The following ADAM32 variants were observed in gnomAD, a reference collection of about 807,000 sequenced individuals.
ADAM32 encodes disintegrin and metalloproteinase domain-containing protein 32.
In ADAM32, 89 loss-of-function variants were observed where a neutral mutation model predicts 114.9. The observed-to-expected ratio is 0.77, with a 90% confidence interval of 0.65 to 0.92. The LOEUF (loss-of-function observed/expected upper bound fraction) is 0.92. ADAM32 is among the 40% of genes least tolerant of loss of function. The probability of loss-of-function intolerance (pLI) is 0.00; values close to 1 mark genes in which losing one functional copy is unlikely to be tolerated. For synonymous variants in ADAM32, 285 were observed against 307.5 expected (o/e 0.93, Z 0.77); for missense variants, 870 against 932.8 (o/e 0.93, Z 0.88).
rs201506289 is a variant in ADAM32 at position 39,281,013 on chromosome 8, AC to A, written c.2280-121del. 4.5e-3 allele frequency: 1,100 copies of A among 246,322 alleles called. 11 individuals carry two copies. Among genetic ancestry groups the A allele is most frequent in the African/African-American group, 0.024 (1,042 of 43,034 alleles). 15.3% of individuals were successfully genotyped at this position (246,322 alleles called of 1,614,324 possible). ...TAGCCAGGATGGTCTCGATCTCCTG[AC>A]CTTGTGATCCACTCGCCTCAGCCTC... On this transcript the variant is annotated intron_variant, in intron 22 of 24. Coordinates refer to ENST00000379907, the MANE Select transcript of ADAM32 (RefSeq NM_145004.7).
intron 17 of ADAM32, among the ~76,000 whole-genome samples, chr8:39,246,391 TG>T (rs1810921962): frequency 6.6e-6 from 1 of 152,216 alleles, no homozygotes; most frequent in Non-Finnish European, 1.5e-5. Context: ...TTGTTATAAT[TG>T]GGTACTTTTC....
At chr8:39,186,162 C>G (rs1806227366) in intron 10 of ADAM32, among the ~76,000 whole-genome samples, 1 of 152,184 alleles carries the variant, frequency 6.6e-6, no homozygotes, top group Non-Finnish European at 1.5e-5. Flanking sequence ...TATGTGCATC[C>G]TTTAGGGCTG....
intron 7 of ADAM32, among the ~76,000 whole-genome samples, chr8:39,162,724 TC>T (rs1804591924): frequency 6.6e-6 from 1 of 152,048 alleles, no homozygotes; most frequent in African/African-American, 2.4e-5. Flanking sequence ...AAACCCTTGG[TC>T]GGGTGTGGTG....
rs78034920 is a variant in ADAM32 at position 39,257,072 on chromosome 8, T to C, written c.2006-115T>C. 13,047 of 1,065,604 alleles carry C rather than the reference T, an allele frequency of 0.012. 1,136 individuals are homozygous for C. In the African/African-American group the frequency reaches 0.19, roughly 15 times the overall value. 66.0% of individuals were successfully genotyped at this position (1,065,604 alleles called of 1,614,324 possible). ...TACAATTCTATAATGATTTTTTCCATGTTCCTTGAATAACAATACAAATTC... is the reference window on the plus strand; with the variant it reads ...TACAATTCTATAATGATTTTTTCCACGTTCCTTGAATAACAATACAAATTC... On this transcript the variant is annotated intron_variant, in intron 18 of 24. Coordinates refer to ENST00000379907, the MANE Select transcript of ADAM32 (RefSeq NM_145004.7).
intron 3 of ADAM32, among the ~76,000 whole-genome samples, chr8:39,144,964 A>C (rs1446255821): frequency 6.6e-6 from 1 of 152,148 alleles, no homozygotes; most frequent in Non-Finnish European, 1.5e-5. Flanking sequence ...AGACAAGTTC[A>C]GTGAAGTTGT....
chr8:39,186,344 G>A (rs911108479), intron 10 of ADAM32, among the ~76,000 whole-genome samples: 5 of 152,000 alleles, frequency 3.3e-5, no homozygotes, highest in East Asian at 1.9e-4. Context: ...TTTCTTTTTC[G>A]CAAGGAGGTT....
intron 12 of ADAM32, 53 bp downstream of exon 12, chr8:39,211,377 C>T: frequency 7.2e-7 from 1 of 1,379,592 alleles, no homozygotes; most frequent in Non-Finnish European, 9.5e-7. Context: ...TTTAATTTAT[C>T]TTTTTCATAA....
At chr8:39,108,132 A>C in intron 1 of ADAM32, 1 of 304,574 alleles carries the variant, frequency 3.3e-6, no homozygotes, top group Non-Finnish European at 6.0e-6. Flanking sequence ...AAAAATTTAA[A>C]AAAATGTTCC....
intron 2 of ADAM32, among the ~76,000 whole-genome samples, chr8:39,134,130 G>A (rs945574556): frequency 2.0e-5 from 3 of 152,180 alleles, no homozygotes; most frequent in Non-Finnish European, 2.9e-5. Flanking sequence ...CCCTCTGGGT[G>A]GACATGGGGG....
upstream of ADAM32, chr8:39,107,709 C>A: frequency 6.5e-7 from 1 of 1,548,312 alleles, no homozygotes; most frequent in Non-Finnish European, 8.7e-7. Context: ...GGCGTCCGCG[C>A]GTCCCCGCGT....
chr8:39,284,669 T>C, intron 24 of ADAM32, 124 bp from the exon 25 acceptor site: 2 of 1,037,062 alleles, frequency 1.9e-6, no homozygotes, highest in Admixed American at 2.2e-5. Context: ...GTAAACATCC[T>C]TTCAATAATT....
At chr8:39,259,233 C>T (rs1331196286) in intron 19 of ADAM32, among the ~76,000 whole-genome samples, 1 of 150,228 alleles carries the variant, frequency 6.7e-6, no homozygotes, top group African/African-American at 2.5e-5. Context: ...AAGCTTTGCT[C>T]TTGTTGCCCA....
intron 11 of ADAM32, 79 bp downstream of exon 11, chr8:39,187,124 A>G (rs1408675797): frequency 5.1e-6 from 7 of 1,374,968 alleles, no homozygotes; most frequent in Non-Finnish European, 6.8e-6. Flanking sequence ...GTATTTACTT[A>G]AAGCACAAAT....
chr8:39,281,296 C>T (rs765972378), intron 23 of ADAM32, 122 bp downstream of exon 23: 13 of 345,974 alleles, frequency 3.8e-5, no homozygotes, highest in Admixed American at 1.0e-4. Flanking sequence ...AAAGTCTACA[C>T]CAAACCCAAC....
intron 16 of ADAM32, among the ~76,000 whole-genome samples, 170 bp from the exon 17 acceptor site, chr8:39,245,913 T>C (rs1162410025): frequency 3.9e-5 from 6 of 152,142 alleles, no homozygotes; most frequent in Admixed American, 2.6e-4. Context: ...AAATGTCTTT[T>C]CTTGCAAAAA....
Position 39,165,122 on chromosome 8 carries a change from A to C in ADAM32, c.759A>C (p.Glu253Asp). 1.2e-6 allele frequency: 2 copies of C among 1,607,944 alleles called. No homozygotes were observed. Among genetic ancestry groups the C allele is most frequent in the Non-Finnish European group, 1.7e-6 (2 of 1,175,546 alleles). The part of the protein sequence containing the change: ...NKISTVGEAD[E>D]LLQKFLEWKQ... Reference sequence around the variant, plus strand: ...TTTCTACAGTTGGTGAGGCAGATGAATTATTGCAAAAATTTTTAGAATGGA... The same window carrying C: ...TTTCTACAGTTGGTGAGGCAGATGACTTATTGCAAAAATTTTTAGAATGGA... The change falls in exon 9 of 25, where the codon GAA becomes GAC. Residue 253 changes from glutamate (E) to aspartate (D), a missense_variant. Glu to Asp is a conservative substitution (Grantham distance 45). Coordinates refer to ENST00000379907, the MANE Select transcript of ADAM32 (RefSeq NM_145004.7).
intron 11 of ADAM32, among the ~76,000 whole-genome samples, chr8:39,190,410 A>G (rs1359747191): frequency 6.6e-6 from 1 of 152,212 alleles, no homozygotes; most frequent in Non-Finnish European, 1.5e-5. Flanking sequence ...ATAAATACCA[A>G]GTACAAAGAT....
intron 10 of ADAM32, among the ~76,000 whole-genome samples, chr8:39,173,344 A>T (rs939744616): frequency 7.2e-5 from 11 of 152,122 alleles, no homozygotes; most frequent in African/African-American, 2.4e-4. Flanking sequence ...TTGTTTCTTG[A>T]CTTTTTAATA....
chr8:39,187,061 T>G lies in ADAM32; in HGVS notation c.1052+16T>G. The G allele has an allele frequency of 6.3e-7, 1 of 1,585,190 alleles. No homozygotes were observed. Among genetic ancestry groups the G allele is most frequent in the Non-Finnish European group, 8.6e-7 (1 of 1,164,708 alleles). On this transcript the variant is annotated intron_variant, in intron 11 of 24. Coordinates refer to ENST00000379907, the MANE Select transcript of ADAM32 (RefSeq NM_145004.7). ...CAGAAGTTGTGTAAGTTTTAACAAT[T>G]TATTTATTGCTTATGTTTATTTCAT...
Sources: gnomAD v4.1 joint callset for allele counts (sites outside exome capture counted in the v4.1 genomes callset) on GRCh38, gnomAD v4.1.1 for gene constraint, MANE v1.5 for transcripts, NCBI Gene and HGNC (gene_info 2026-07-23, HGNC 2026-07-21) for gene names.